Variants in SVOP observed in about 807,000 individuals in gnomAD.
SVOP encodes the protein SV2 related protein.
In SVOP, 17 loss-of-function variants were observed where a neutral mutation model predicts 69.1. The ratio of observed to expected loss-of-function variants is 0.25; its 90% CI spans 0.17 to 0.37. The LOEUF is 0.37. Ranked by LOEUF, SVOP falls within the 10% of genes least tolerant of loss-of-function variation. The pLI is 1.00. For synonymous variants in SVOP, 238 were observed against 238.6 expected (o/e 1.00, Z 0.02); for missense variants, 435 against 597.5 (o/e 0.73, Z 2.84).
intron 5 of SVOP, among the ~76,000 whole-genome samples, chr12:108,962,825 T>C (rs1393282770): frequency 1.3e-5 from 2 of 151,702 alleles, no homozygotes; most frequent in Non-Finnish European, 2.9e-5. Flanking sequence ...ATTAGCCAGG[T>C]GGAGTGGCGG....
chr12:108,952,001 T>C (rs958593830), intron 6 of SVOP, among the ~76,000 whole-genome samples: 1 of 152,152 alleles, frequency 6.6e-6, no homozygotes, highest in Non-Finnish European at 1.5e-5. Context: ...TGTGGCTTCT[T>C]CTTGCTGCCT....
At chr12:108,935,569 G>A (rs771197089) in intron 10 of SVOP, among the ~76,000 whole-genome samples, 1 of 152,136 alleles carries the variant, frequency 6.6e-6, no homozygotes, top group Non-Finnish European at 1.5e-5. Flanking sequence ...GCTAGAGTCC[G>A]TTCTGTATAT....
rs180858365 is a variant in SVOP, at chr12:108,972,366, C to T, written c.453+39G>A. On this transcript the variant is annotated intron_variant, in intron 5 of 15. Coordinates refer to ENST00000610966, the MANE Select transcript of SVOP (RefSeq NM_018711.5). ...CTTGTCCAGACCATCACCAAGACAA[C>T]CCAGAGGACATGCGTTTAGAAGAGT... The T allele has an allele frequency of 1.2e-5, 19 of 1,533,240 alleles. No homozygotes were observed. The African/African-American group carries it at 2.6e-4, about 21-fold the overall frequency. The allele number at this position is 1,533,240 out of a possible 1,614,324, so 95.0% of individuals were successfully genotyped here.
chr12:108,992,277 A>T (rs940028938), intron 1 of SVOP, among the ~76,000 whole-genome samples: 2 of 151,460 alleles, frequency 1.3e-5, no homozygotes, highest in Admixed American at 1.3e-4. Flanking sequence ...GCAGTGGCTC[A>T]CACCTGTAAT....
rs1442204771 is a variant in SVOP, at chr12:108,972,486, GA to G, written c.382-11del. On this transcript the variant is annotated splice_polypyrimidine_tract_variant and intron_variant, in intron 4 of 15. Coordinates refer to ENST00000610966, the MANE Select transcript of SVOP (RefSeq NM_018711.5). ...TGCCTACAAAGACCACCTGTGGGGGGAAAGACAGTTGTCATTAGACAGAGGA... is the reference window on the plus strand; with the variant it reads ...TGCCTACAAAGACCACCTGTGGGGGGAAGACAGTTGTCATTAGACAGAGGA... The G allele has an allele frequency of 6.5e-7, 1 of 1,537,048 alleles. No homozygotes were observed. Among genetic ancestry groups the G allele is most frequent in the Non-Finnish European group, 8.7e-7 (1 of 1,146,846 alleles).
At chr12:109,013,856 C>T (rs768538961) in intron 1 of SVOP, among the ~76,000 whole-genome samples, 2 of 152,236 alleles carry the variant, frequency 1.3e-5, no homozygotes, top group Middle Eastern at 6.8e-3. Flanking sequence ...CCCCCACCAC[C>T]GAGTTCCTGG....
intron 6 of SVOP, among the ~76,000 whole-genome samples, chr12:108,946,275 T>C (rs921932403): frequency 6.6e-6 from 1 of 151,840 alleles, no homozygotes; most frequent in Non-Finnish European, 1.5e-5. Context: ...TTTTTTTTTT[T>C]TAATTGTGGA....
rs149293856 is a variant in SVOP, at chr12:109,009,763, G to C, written c.35+11071C>G. ...GGCAATTTAGTCTCCTAGGGGCATC[G>C]GCAATGTCTAGAGACAGCTTTGATG... On this transcript the variant is annotated intron_variant, in intron 1 of 15. Transcript: ENST00000610966. Among the ~76,000 whole-genome samples, 397 of 152,124 alleles carry C rather than the reference G, an allele frequency of 2.6e-3. 3 individuals carry two copies. The highest frequency in any genetic ancestry group is 9.2e-3 in the African/African-American group (382 of 41,506).
intron 1 of SVOP, among the ~76,000 whole-genome samples, chr12:109,010,001 T>C (rs762861026): frequency 6.6e-6 from 1 of 151,840 alleles, no homozygotes; most frequent in African/African-American, 2.4e-5. Flanking sequence ...CTCACACCTT[T>C]AAGCCCAGCA....
intron 1 of SVOP, among the ~76,000 whole-genome samples, chr12:109,018,584 C>T (rs891116257): frequency 2.0e-5 from 3 of 152,096 alleles, no homozygotes; most frequent in Non-Finnish European, 4.4e-5. Flanking sequence ...GCATAATATA[C>T]GAAGGGTGTG....
chr12:108,960,545 G>A (rs948847089), intron 6 of SVOP, among the ~76,000 whole-genome samples: 1 of 152,134 alleles, frequency 6.6e-6, no homozygotes, highest in Non-Finnish European at 1.5e-5. Context: ...CCCACCATGT[G>A]ATTCAGACAG....
chr12:108,944,469 A>C (rs144106663), intron 7 of SVOP, among the ~76,000 whole-genome samples: 3,270 of 152,260 alleles, frequency 0.021, 133 homozygotes, highest in African/African-American at 0.074. Context: ...GGGACATCAG[A>C]GTGGGTTCAT....
chr12:108,916,650 G>T (rs186540093), intron 14 of SVOP, among the ~76,000 whole-genome samples: 1 of 152,234 alleles, frequency 6.6e-6, no homozygotes, highest in Non-Finnish European at 1.5e-5. Flanking sequence ...AAAGGCACAC[G>T]ATGCGAGGAG....
chr12:108,953,398 TC>T (rs200562213), intron 6 of SVOP, among the ~76,000 whole-genome samples: 18,158 of 152,174 alleles, frequency 0.12, 1,238 homozygotes, highest in East Asian at 0.31. Context: ...TCTGCCCGCC[TC>T]AGCCTCCCAA....
At position 108,912,169 on chromosome 12, in the gene SVOP, G is replaced by A. The variant is rs1034185429; in HGVS notation, c.*366C>T. 5 of 1,094,170 alleles carry A rather than the reference G, an allele frequency of 4.6e-6. No homozygotes were observed. The highest frequency in any genetic ancestry group is 4.5e-6 in the Non-Finnish European group (4 of 897,040). 67.8% of individuals were successfully genotyped at this position (1,094,170 alleles called of 1,614,324 possible). A position where few individuals can be genotyped will look rare whatever the true frequency, so the allele number is the denominator to read the frequency against. ...GTGTCACATGGGCCTGAGCCTGGACGGTATCTACAGAGAGATATTTTGGTT... is the reference window on the plus strand; with the variant it reads ...GTGTCACATGGGCCTGAGCCTGGACAGTATCTACAGAGAGATATTTTGGTT... On this transcript the variant is annotated 3_prime_UTR_variant, in exon 16 of 16. Transcript: ENST00000610966.
chr12:108,922,559 T>C (rs549931824), intron 12 of SVOP, 131 bp downstream of exon 12: 4 of 675,648 alleles, frequency 5.9e-6, no homozygotes, highest in Non-Finnish European at 7.9e-6. Context: ...TAGTTAAGGA[T>C]TGAAAAACAA....
chr12:108,994,697 C>G (rs1473627112), intron 1 of SVOP, among the ~76,000 whole-genome samples: 1 of 152,250 alleles, frequency 6.6e-6, no homozygotes, highest in Non-Finnish European at 1.5e-5. Context: ...GCAAAGCCAT[C>G]TGACTTCAGA....
intron 6 of SVOP, among the ~76,000 whole-genome samples, chr12:108,954,077 G>A (rs1469369654): frequency 1.5e-5 from 2 of 136,744 alleles, no homozygotes; most frequent in East Asian, 4.3e-4. Context: ...TCACACCACT[G>A]CACTCCAGCC....
chr12:108,931,326 A>G (rs1457324880), intron 11 of SVOP, among the ~76,000 whole-genome samples: 1 of 152,238 alleles, frequency 6.6e-6, no homozygotes, highest in Non-Finnish European at 1.5e-5. Flanking sequence ...CCTGAGTTCA[A>G]TGCTGAGAAT....
Sources: allele counts gnomAD v4.1 joint callset (sites outside exome capture counted in the v4.1 genomes callset), GRCh38; gene constraint gnomAD v4.1.1; transcripts MANE v1.5; gene names NCBI Gene and HGNC (gene_info 2026-07-23, HGNC 2026-07-21).